The following MECOM variants were observed in gnomAD, a reference collection of about 807,000 sequenced individuals.
MECOM encodes MDS1 and EVI1 complex locus, also known as histone-lysine N-methyltransferase MECOM.
Under a neutral mutation model 116.3 loss-of-function variants are expected in MECOM, and 13 were observed. The observed-to-expected ratio is 0.11, with a 90% CI of 0.07 to 0.18. The LOEUF (loss-of-function observed/expected upper bound fraction) is 0.18. Among genes scored for constraint, MECOM ranks in the 10% least tolerant of loss-of-function variants. MECOM has a pLI of 1.00. For synonymous variants in MECOM, 528 were observed against 535.2 expected, an observed-to-expected ratio of 0.99 and a Z score of 0.19; for missense variants, 1,299 against 1,509.0, an observed-to-expected ratio of 0.86 and a Z score of 2.31.
intron 1 of MECOM, among the ~76,000 whole-genome samples, chr3:169,490,811 G>C (rs545251744): frequency 9.3e-4 from 142 of 152,242 alleles, no homozygotes; most frequent in African/African-American, 3.3e-3. Flanking sequence ...TTTGTTAGTA[G>C]ATATGCAAAA....
intron 2 of MECOM, among the ~76,000 whole-genome samples, chr3:169,175,393 A>G (rs768212728): frequency 1.4e-3 from 220 of 152,296 alleles, no homozygotes; most frequent in Non-Finnish European, 2.5e-3. Flanking sequence ...CAATGCCTGC[A>G]AACTTTGTTT....
chr3:169,359,353 C>G (rs941904489), intron 2 of MECOM, among the ~76,000 whole-genome samples: 1 of 151,662 alleles, frequency 6.6e-6, no homozygotes, highest in Non-Finnish European at 1.5e-5. Flanking sequence ...GGAGCAGAAA[C>G]TAAAGTCAAT....
chr3:169,275,757 A>G (rs1315089669), intron 2 of MECOM, among the ~76,000 whole-genome samples: 2 of 152,204 alleles, frequency 1.3e-5, no homozygotes, highest in African/African-American at 2.4e-5. Flanking sequence ...TGGGTTGGCA[A>G]TGCTGGACAC....
At chr3:169,396,848 C>T (rs1479718447) in intron 1 of MECOM, among the ~76,000 whole-genome samples, 4 of 152,106 alleles carry the variant, frequency 2.6e-5, no homozygotes, top group Non-Finnish European at 5.9e-5. Flanking sequence ...TGGTGCATGC[C>T]TGTAATCTCA....
chr3:169,366,782 C>A (rs934805727), intron 2 of MECOM, among the ~76,000 whole-genome samples: 33 of 151,990 alleles, frequency 2.2e-4, no homozygotes, highest in African/African-American at 7.7e-4. Context: ...ACCTGGGAAG[C>A]CTGTGAGGTC....
At chr3:169,607,672 G>GC (rs1768761422) in intron 1 of MECOM, among the ~76,000 whole-genome samples, 1 of 152,218 alleles carries the variant, frequency 6.6e-6, no homozygotes. Context: ...AAGTTGGTGT[G>GC]ATGTGTGCAC....
chr3:169,401,218 C>T (rs995971031), intron 1 of MECOM, among the ~76,000 whole-genome samples: 2 of 152,180 alleles, frequency 1.3e-5, no homozygotes, highest in East Asian at 1.9e-4. Context: ...CCCTTAGCTT[C>T]CATGGATGCA....
intron 2 of MECOM, among the ~76,000 whole-genome samples, chr3:169,349,223 A>G (rs528267444): frequency 6.6e-6 from 1 of 152,018 alleles, no homozygotes; most frequent in South Asian, 2.1e-4. Context: ...TTCGTAGGTT[A>G]GACCCCTCCT....
intron 4 of MECOM, among the ~76,000 whole-genome samples, chr3:169,129,763 A>G (rs1560228168): frequency 6.6e-6 from 1 of 152,100 alleles, no homozygotes; most frequent in Non-Finnish European, 1.5e-5. Context: ...GACAGCAAAG[A>G]TTTTGGGTTG....
intron 2 of MECOM, among the ~76,000 whole-genome samples, chr3:169,216,952 T>C (rs1422547935): frequency 1.3e-5 from 2 of 151,942 alleles, no homozygotes; most frequent in Non-Finnish European, 2.9e-5. Context: ...ATTTAAGTCA[T>C]AAAAATCTAC....
At chr3:169,549,692 T>A (rs985245855) in intron 1 of MECOM, among the ~76,000 whole-genome samples, 2 of 152,138 alleles carry the variant, frequency 1.3e-5, no homozygotes, top group Non-Finnish European at 2.9e-5. Context: ...TACATGTCAT[T>A]TTTTAAGGCC....
chr3:169,327,360 C>T (rs1005757770), intron 2 of MECOM, among the ~76,000 whole-genome samples: 2 of 152,070 alleles, frequency 1.3e-5, no homozygotes, highest in African/African-American at 4.8e-5. Flanking sequence ...AATTAGCTGG[C>T]TGGGCACGGT....
At chr3:169,347,587 TGAG>T (rs1282367945) in intron 2 of MECOM, among the ~76,000 whole-genome samples, 4 of 151,926 alleles carry the variant, frequency 2.6e-5, no homozygotes, top group South Asian at 4.1e-4. Context: ...AGACAAAAAA[TGAG>T]GAGGAGTTAG....
At chr3:169,092,890 A>G in intron 14 of MECOM, 68 bp downstream of exon 14, 1 of 1,589,226 alleles carries the variant, frequency 6.3e-7, no homozygotes, top group South Asian at 1.1e-5. Context: ...AAGTGAGCAT[A>G]GCAAGTATAT....
intron 12 of MECOM, among the ~76,000 whole-genome samples, chr3:169,096,104 C>T (rs1721363632): frequency 6.6e-6 from 1 of 151,978 alleles, no homozygotes; most frequent in Non-Finnish European, 1.5e-5. Context: ...AAATGCAAGG[C>T]CTCCTTCCCC....
chr3:169,425,003 A>G (rs1336650243), intron 1 of MECOM, among the ~76,000 whole-genome samples: 1 of 151,972 alleles, frequency 6.6e-6, no homozygotes, highest in Non-Finnish European at 1.5e-5. Flanking sequence ...AACACCATAT[A>G]TTCAGCTTAA....
chr3:169,230,098 C>CA (rs1307965461), intron 2 of MECOM, among the ~76,000 whole-genome samples: 2 of 152,060 alleles, frequency 1.3e-5, no homozygotes, highest in Non-Finnish European at 2.9e-5. Flanking sequence ...TCTATGTTTA[C>CA]AAAAAATTTC....
intron 2 of MECOM, among the ~76,000 whole-genome samples, chr3:169,368,013 T>G (rs545114921): frequency 1.3e-5 from 2 of 152,172 alleles, no homozygotes; most frequent in East Asian, 3.9e-4. Context: ...CTGTCAAATT[T>G]CTTGTGCTTT....
At chr3:169,242,821 A>G (rs1755054757) in intron 2 of MECOM, among the ~76,000 whole-genome samples, 1 of 147,984 alleles carries the variant, frequency 6.8e-6, no homozygotes, top group Non-Finnish European at 1.5e-5. Flanking sequence ...CAAACCTACA[A>G]TTTTTCTATT....
Sources: allele counts gnomAD v4.1 joint callset (sites outside exome capture counted in the v4.1 genomes callset), GRCh38; gene constraint gnomAD v4.1.1; transcripts MANE v1.5; gene names NCBI Gene and HGNC (gene_info 2026-07-23, HGNC 2026-07-21).